SRSF10: variants seen among roughly 807,000 people sequenced by gnomAD.
SRSF10 encodes the protein serine/arginine-rich splicing factor 10.
In SRSF10, 9 loss-of-function variants were observed where a neutral mutation model predicts 32.6. The observed-to-expected ratio is 0.28, with a 90% confidence interval of 0.17 to 0.48. The LOEUF (loss-of-function observed/expected upper bound fraction) is 0.48, where lower values mean the gene tolerates loss of function less well. Ranked by LOEUF, SRSF10 falls within the 20% of genes least tolerant of loss-of-function variation. The pLI is 0.99. For synonymous variants in SRSF10, 105 were observed against 112.4 expected, an observed-to-expected ratio of 0.93 and a Z score of 0.42; for missense variants, 201 against 331.8, an observed-to-expected ratio of 0.61 and a Z score of 3.06.
intron 3 of SRSF10, among the ~76,000 whole-genome samples, chr1:23,972,592 G>A (rs370701612): frequency 0.015 from 2,339 of 151,788 alleles, 24 homozygotes; most frequent in African/African-American, 0.021. Flanking sequence ...ACAGGCACGC[G>A]CCACCACACC....
chr1:23,970,000 T>A lies in SRSF10; in HGVS notation c.*1142A>T, dbSNP rs1641648818. The A allele has an allele frequency of 3.0e-6, 3 of 985,410 alleles. No individual in the cohort carries two copies. Among genetic ancestry groups the A allele is most frequent in the Middle Eastern group, 5.2e-4 (1 of 1,914 alleles). The allele number at this position is 985,410 out of a possible 1,614,324, so 61.0% of individuals were successfully genotyped here. ...GTGCTGTAAGCATCAAAATTTCAGT[T>A]CTTTTACACTAGGCACACACACACA... On this transcript the variant is annotated 3_prime_UTR_variant, in exon 6 of 6. Coordinates refer to ENST00000492112, the MANE Select transcript of SRSF10 (RefSeq NM_054016.4).
intron 5 of SRSF10, 37 bp from the exon 6 acceptor site, chr1:23,971,476 A>C: frequency 6.3e-7 from 1 of 1,586,342 alleles, no homozygotes; most frequent in Non-Finnish European, 8.5e-7. Flanking sequence ...TAGAGTAAAA[A>C]TTAGATTCTA....
In SRSF10 at chr1:23,969,694, A is replaced by G; in HGVS notation, c.*1448T>C. 1.0e-6 allele frequency: 1 copy of G among 985,358 alleles called. No individual in the cohort carries two copies. The allele number at this position is 985,358 out of a possible 1,614,324, so 61.0% of individuals were successfully genotyped here. A position where few individuals can be genotyped will look rare whatever the true frequency, so the allele number is the denominator to read the frequency against. ...ACATGTCAAGTCACTTTTGTCCCCAAAACGATCTTTCAGAGAAATACTAGA... is the reference window on the plus strand; with the variant it reads ...ACATGTCAAGTCACTTTTGTCCCCAGAACGATCTTTCAGAGAAATACTAGA... On this transcript the variant is annotated 3_prime_UTR_variant, in exon 6 of 6. Coordinates refer to ENST00000492112, the MANE Select transcript of SRSF10 (RefSeq NM_054016.4).
rs1178943309 is a variant in SRSF10, at chr1:23,970,162, C to T, written c.*980G>A. The T allele has an allele frequency of 8.2e-5, 81 of 985,330 alleles. 1 individual carries two copies. In the South Asian group the frequency reaches 1.2e-3, roughly 14 times the overall value. 61.0% of individuals were successfully genotyped at this position (985,330 alleles called of 1,614,324 possible). A position where few individuals can be genotyped will look rare whatever the true frequency, so the allele number is the denominator to read the frequency against. Reference sequence around the variant, plus strand: ...TCCTTAAAATTATTTTTGCCATCAACGACCTGCTCAAATTTTAAGGTGAGT... The same window carrying T: ...TCCTTAAAATTATTTTTGCCATCAATGACCTGCTCAAATTTTAAGGTGAGT... On this transcript the variant is annotated 3_prime_UTR_variant, in exon 6 of 6. Coordinates refer to ENST00000492112, the MANE Select transcript of SRSF10 (RefSeq NM_054016.4).
In SRSF10 at chr1:23,968,058, T is replaced by C. The variant is rs1472858299; in HGVS notation, c.*3084A>G. 5.3e-6 allele frequency: 8 copies of C among 1,518,340 alleles called. No homozygotes were observed. Among genetic ancestry groups the C allele is most frequent in the Non-Finnish European group, 5.3e-6 (6 of 1,139,458 alleles). The allele number at this position is 1,518,340 out of a possible 1,614,324, so 94.1% of individuals were successfully genotyped here. On this transcript the variant is annotated 3_prime_UTR_variant, in exon 6 of 6. Transcript: ENST00000492112. Reference sequence around the variant, plus strand: ...TTGATATAACCATTCTATTTATCATTGAGCCCAGTCATACACAGTAGGTAA... The same window carrying C: ...TTGATATAACCATTCTATTTATCATCGAGCCCAGTCATACACAGTAGGTAA...
intron 5 of SRSF10, 40 bp downstream of exon 5, chr1:23,971,528 GAAATT>G: frequency 1.3e-6 from 2 of 1,594,798 alleles, no homozygotes; most frequent in East Asian, 4.5e-5. Context: ...AGTTCACTCT[GAAATT>G]AAAAAATACA....
Position 23,966,078 on chromosome 1 carries a change from A to T in SRSF10, c.*5064T>A, listed in dbSNP as rs1641435967. ...ACTATCTCCATGAAAATAAAGCTATAAAAACACTTCCCCATTGGATTAAAC... is the reference window on the plus strand; with the variant it reads ...ACTATCTCCATGAAAATAAAGCTATTAAAACACTTCCCCATTGGATTAAAC... On this transcript the variant is annotated 3_prime_UTR_variant, in exon 6 of 6. Coordinates refer to ENST00000492112, the MANE Select transcript of SRSF10 (RefSeq NM_054016.4). The T allele has an allele frequency of 4.6e-5, 7 of 151,924 alleles. No individual in the cohort carries two copies. 9.4% of individuals were successfully genotyped at this position (151,924 alleles called of 1,614,324 possible). A position where few individuals can be genotyped will look rare whatever the true frequency, so the allele number is the denominator to read the frequency against.
At chr1:23,972,764 G>A (rs1194953080) in intron 3 of SRSF10, among the ~76,000 whole-genome samples, 10 of 142,268 alleles carry the variant, frequency 7.0e-5, no homozygotes, top group Admixed American at 2.8e-4. Context: ...TTTTTGAGAC[G>A]GAGTTTTGCT....
chr1:23,973,247 T>A (rs1641881380), intron 3 of SRSF10, among the ~76,000 whole-genome samples: 1 of 152,232 alleles, frequency 6.6e-6, no homozygotes. Context: ...CTTCTCACCA[T>A]CTAGTTTATC....
Position 23,965,836 on chromosome 1 carries a change from C to T in SRSF10, c.*5306G>A, listed in dbSNP as rs1169035541. ...CAACTCAATATGCACCTTAATTCTCCCCCTTAAATGTCTTAACTTCAAAAG... is the reference window on the plus strand; with the variant it reads ...CAACTCAATATGCACCTTAATTCTCTCCCTTAAATGTCTTAACTTCAAAAG... On this transcript the variant is annotated 3_prime_UTR_variant, in exon 6 of 6. Coordinates refer to ENST00000492112, the MANE Select transcript of SRSF10 (RefSeq NM_054016.4). The T allele has an allele frequency of 5.3e-5, 8 of 151,812 alleles. No homozygotes were observed. Among genetic ancestry groups the T allele is most frequent in the Non-Finnish European group, 4.4e-5 (3 of 67,758 alleles). The allele number at this position is 151,812 out of a possible 1,614,324, so 9.4% of individuals were successfully genotyped here.
At chr1:23,977,710 A>T in intron 2 of SRSF10, 1 of 223,628 alleles carries the variant, frequency 4.5e-6, no homozygotes. Context: ...TGCTGAATTT[A>T]ATCTTAAGAA....
At chr1:23,971,727 G>A (rs2148500678) in intron 4 of SRSF10, 101 bp from the exon 5 acceptor site, 1 of 1,506,528 alleles carries the variant, frequency 6.6e-7, no homozygotes, top group South Asian at 1.2e-5. Flanking sequence ...AAATGCTACA[G>A]TATTTTTTGT....
Position 23,970,945 on chromosome 1 carries a change from A to G in SRSF10, c.*197T>C, listed in dbSNP as rs1641719989. 6.1e-6 allele frequency: 8 copies of G among 1,301,516 alleles called. No homozygotes were observed. In the South Asian group the frequency reaches 8.0e-5, roughly 13 times the overall value. 80.6% of individuals were successfully genotyped at this position (1,301,516 alleles called of 1,614,324 possible). ...AGACACCACAAATTGGTAGCTGCCC[A>G]TAACATTAAACAAACTGGACTCTTA... On this transcript the variant is annotated 3_prime_UTR_variant, in exon 6 of 6. Transcript: ENST00000492112.
At chr1:23,972,081 GA>G (rs1361495210) in intron 3 of SRSF10, 69 bp from the exon 4 acceptor site, 19 of 1,338,996 alleles carry the variant, frequency 1.4e-5, no homozygotes, top group South Asian at 3.7e-5. Context: ...AATAAATAGG[GA>G]AAAAAATCCC....
chr1:23,972,048 T>C, intron 3 of SRSF10, 36 bp from the exon 4 acceptor site: 1 of 1,445,456 alleles, frequency 6.9e-7, no homozygotes, highest in South Asian at 1.6e-5. Context: ...TTTAAAAATA[T>C]TAAAAACAGT....
chr1:23,974,597 G>C (rs1357836425), intron 3 of SRSF10, among the ~76,000 whole-genome samples: 2 of 152,212 alleles, frequency 1.3e-5, no homozygotes, highest in Non-Finnish European at 2.9e-5. Flanking sequence ...GAGAGGCTGA[G>C]GCAGGTGGAT....
At position 23,970,250 on chromosome 1, in the gene SRSF10, G is replaced by A. The variant is rs1477206378; in HGVS notation, c.*892C>T. 2.0e-6 allele frequency: 2 copies of A among 985,014 alleles called. No homozygotes were observed. The highest frequency in any genetic ancestry group is 2.4e-6 in the Non-Finnish European group (2 of 829,898). 61.0% of individuals were successfully genotyped at this position (985,014 alleles called of 1,614,324 possible). A position where few individuals can be genotyped will look rare whatever the true frequency, so the allele number is the denominator to read the frequency against. ...AGAAAAAAAGCAGTGAAGGCTCCAT[G>A]TTTCAGTCAAAAACTCAATTTCCCA... On this transcript the variant is annotated 3_prime_UTR_variant, in exon 6 of 6. Transcript: ENST00000492112.
In SRSF10 at chr1:23,971,944, T is replaced by G. The variant is rs1641781265; in HGVS notation, c.343A>C (p.Arg115=). Reference sequence around the variant, plus strand: ...CTTCGGCTTCTAGAACGTCTGTATCTGTCATAATCATCATAGCGTGAAGAA... The same window carrying G: ...CTTCGGCTTCTAGAACGTCTGTATCGGTCATAATCATCATAGCGTGAAGAA... ...YSSSRYDDYD[R]YRRSRSRSYE... Residue 115 remains arginine, a synonymous_variant, in exon 4 of 6, where the codon AGA becomes CGA. Transcript: ENST00000492112. The G allele has an allele frequency of 6.3e-7, 1 of 1,591,300 alleles. No individual in the cohort carries two copies. The highest frequency in any genetic ancestry group is 8.5e-7 in the Non-Finnish European group (1 of 1,172,908).
In SRSF10 at chr1:23,980,294, A is replaced by G. The variant is rs1642385314; in HGVS notation, c.-39T>C. ...CTCGGCCGGGCGCACTAACGGGCTCAGCAAACCGTCCGCGGCTCAGGCGGC... is the reference window on the plus strand; with the variant it reads ...CTCGGCCGGGCGCACTAACGGGCTCGGCAAACCGTCCGCGGCTCAGGCGGC... On this transcript the variant is annotated 5_prime_UTR_variant, in exon 1 of 6. Transcript: ENST00000492112. 2.1e-6 allele frequency: 3 copies of G among 1,421,770 alleles called. No individual in the cohort carries two copies. Among genetic ancestry groups the G allele is most frequent in the East Asian group, 3.0e-5 (1 of 33,180 alleles). The allele number at this position is 1,421,770 out of a possible 1,614,324, so 88.1% of individuals were successfully genotyped here.
Sources: gnomAD v4.1 joint callset for allele counts (sites outside exome capture counted in the v4.1 genomes callset) on GRCh38, gnomAD v4.1.1 for gene constraint, MANE v1.5 for transcripts, NCBI Gene and HGNC (gene_info 2026-07-23, HGNC 2026-07-21) for gene names.